VIRMA: variants seen among roughly 807,000 people sequenced by gnomAD.
VIRMA encodes protein virilizer homolog.
VIRMA carries 65 observed loss-of-function variants against 182.4 expected under a neutral mutation model. The observed-to-expected ratio is 0.36, with a 90% CI of 0.29 to 0.44. The LOEUF is 0.44. VIRMA is among the 20% of genes least tolerant of loss of function. The probability of loss-of-function intolerance (pLI) is 1.00; values close to 1 mark genes in which losing one functional copy is unlikely to be tolerated. For missense variants in VIRMA, 1,752 were observed against 2,158.1 expected (o/e 0.81, Z 3.73); for synonymous variants, 709 against 743.1 (o/e 0.95, Z 0.75).
chr8:94,525,985 T>C (rs1023075709), intron 8 of VIRMA, among the ~76,000 whole-genome samples: 4 of 152,250 alleles, frequency 2.6e-5, no homozygotes, highest in Admixed American at 6.5e-5. Flanking sequence ...ACAAGCATCA[T>C]TGTTAATTAC....
intron 7 of VIRMA, among the ~76,000 whole-genome samples, 175 bp from the exon 8 acceptor site, chr8:94,527,538 AT>A (rs1389781154): frequency 5.3e-5 from 8 of 152,354 alleles, no homozygotes; most frequent in Non-Finnish European, 1.2e-4. Context: ...TTCTAATAGA[AT>A]TATGGACAAA....
At chr8:94,505,704 G>C (rs957395402) in intron 16 of VIRMA, among the ~76,000 whole-genome samples, 1 of 152,008 alleles carries the variant, frequency 6.6e-6, no homozygotes, top group Non-Finnish European at 1.5e-5. Flanking sequence ...GGCTAAACTT[G>C]AACTCTTGAA....
chr8:94,527,449 A>G (rs1815014802), intron 7 of VIRMA, 86 bp from the exon 8 acceptor site: 1 of 825,994 alleles, frequency 1.2e-6, no homozygotes, highest in Non-Finnish European at 1.7e-6. Flanking sequence ...TAGTTTTAAT[A>G]AAACATTAAA....
At chr8:94,492,866 G>A (rs1457214331) in intron 20 of VIRMA, 48 bp from the exon 21 acceptor site, 2 of 1,427,404 alleles carry the variant, frequency 1.4e-6, no homozygotes, top group Non-Finnish European at 1.9e-6. Context: ...GTAATTATTA[G>A]CATAACATTT....
chr8:94,507,872 T>C (rs1586075450), intron 15 of VIRMA, among the ~76,000 whole-genome samples: 2 of 150,990 alleles, frequency 1.3e-5, no homozygotes, highest in East Asian at 3.9e-4. Context: ...CCCTCTACTT[T>C]ATATATATAC....
chr8:94,498,625 C>T (rs74704642), intron 17 of VIRMA: 8,684 of 152,346 alleles, frequency 0.057, 285 homozygotes, highest in South Asian at 0.089. Context: ...CTGGTGGGCA[C>T]ACCACGTGTG....
At chr8:94,505,455 G>C (rs1031649020) in intron 16 of VIRMA, among the ~76,000 whole-genome samples, 5 of 151,570 alleles carry the variant, frequency 3.3e-5, no homozygotes, top group African/African-American at 1.2e-4. Flanking sequence ...ACAGTGAGCA[G>C]TCTGAGGTTT....
rs948671921 is a variant in VIRMA, at chr8:94,518,990, G to A, written c.2508C>T (p.Ala836=). 1.3e-6 allele frequency: 2 copies of A among 1,596,374 alleles called. No individual in the cohort carries two copies. Among genetic ancestry groups the A allele is most frequent in the Admixed American group, 3.6e-5 (2 of 55,414 alleles). Residue 836 remains alanine, a synonymous_variant, in exon 9 of 24, where the codon GCC becomes GCT. Coordinates refer to ENST00000297591, the MANE Select transcript of VIRMA (RefSeq NM_015496.5). ...ITLMEYYSKE[A]LGDSKSKKSV... is the part of the protein sequence containing the mutation. ...AGGAGTAAGTAGGAAATTACCCCAA[G>A]GCTTCTTTGGAATAGTACTCCATTA... is the stretch of plus-strand genomic sequence containing the variant.
chr8:94,511,833 ATAAT>A (rs1371978324), intron 12 of VIRMA, 104 bp from the exon 13 acceptor site: 1 of 717,182 alleles, frequency 1.4e-6, no homozygotes, highest in African/African-American at 1.9e-5. Context: ...AATTATATTT[ATAAT>A]AAATGATTTT....
At chr8:94,508,629 G>A (rs994875543) in intron 15 of VIRMA, among the ~76,000 whole-genome samples, 19 of 151,274 alleles carry the variant, frequency 1.3e-4, no homozygotes, top group African/African-American at 4.6e-4. Context: ...CAACCAAATG[G>A]ACACTTTGAG....
Position 94,526,901 on chromosome 8 carries a change from G to A in VIRMA, c.1343C>T (p.Pro448Leu). Residue 448 changes from proline (P) to leucine (L), a missense_variant, in exon 8 of 24, where the codon CCT (proline) becomes CTT (leucine). Around this residue, in one of 11 missense-constraint regions of VIRMA, gnomAD observed 401 missense variants for 455.1 expected, o/e 0.88. Coordinates refer to ENST00000297591, the MANE Select transcript of VIRMA (RefSeq NM_015496.5). The stretch of plus-strand genomic sequence containing the variant: ...GAGCTGTCGAACATTTAAGGCGATA[G>A]GTTGGCGAAGCGCTACTTGTAAATT... ...ALNLQVALRQPIALNVRQLKA... is the reference protein window; with the variant it reads ...ALNLQVALRQLIALNVRQLKA... 6.2e-7 allele frequency: 1 copy of A among 1,614,224 alleles called. No individual in the cohort carries two copies. The highest frequency in any genetic ancestry group is 1.1e-5 in the South Asian group (1 of 91,088).
chr8:94,489,758 ACAGTATACT>A lies in VIRMA; in HGVS notation c.5284+172_5284+180del, dbSNP rs1813552703. 3.9e-5 allele frequency among the ~76,000 whole-genome samples: 6 copies of A among 152,338 alleles called. No homozygotes were observed. In the South Asian group the frequency reaches 1.2e-3, roughly 32 times the overall value. On this transcript the variant is annotated intron_variant, in intron 23 of 23. Coordinates refer to ENST00000297591, the MANE Select transcript of VIRMA (RefSeq NM_015496.5). ...ATGTTATCTGTAAGGCTTCCAGTCA[ACAGTATACT>A]AGCAGTAGTTAAGTTTTGGGGAAGT...
chr8:94,526,145 T>G (rs1196513142), intron 8 of VIRMA, 78 bp downstream of exon 8: 10 of 1,193,614 alleles, frequency 8.4e-6, no homozygotes, highest in Admixed American at 2.3e-5. Context: ...TACAATCAGA[T>G]AAAAAGCAAA....
At chr8:94,491,150 C>T (rs1381208798) in intron 22 of VIRMA, among the ~76,000 whole-genome samples, 1 of 121,920 alleles carries the variant, frequency 8.2e-6, no homozygotes, top group Non-Finnish European at 1.7e-5. Context: ...CCCATCTCTA[C>T]TAAAAATACA....
intron 2 of VIRMA, among the ~76,000 whole-genome samples, chr8:94,541,329 G>A (rs1222770391): frequency 6.6e-6 from 1 of 151,706 alleles, no homozygotes; most frequent in Non-Finnish European, 1.5e-5. Context: ...CAAACTCTTG[G>A]TCTCAAGTGA....
At chr8:94,527,433 A>C in intron 7 of VIRMA, 70 bp from the exon 8 acceptor site, 1 of 960,586 alleles carries the variant, frequency 1.0e-6, no homozygotes, top group Non-Finnish European at 1.5e-6. Flanking sequence ...CTGATTGAAC[A>C]AGAAATAGTT....
chr8:94,515,134 T>G (rs377502968), intron 10 of VIRMA, among the ~76,000 whole-genome samples, 183 bp from the exon 11 acceptor site: 14 of 151,940 alleles, frequency 9.2e-5, no homozygotes, highest in Non-Finnish European at 1.8e-4. Context: ...TCGCTCTTGT[T>G]GCACAGGCTG....
Position 94,494,850 on chromosome 8 carries a change from T to A in VIRMA, c.4641+10A>T, listed in dbSNP as rs1395788275. On this transcript the variant is annotated intron_variant, in intron 20 of 23. Transcript: ENST00000297591. ...TAACGTTTTTCTAAATATTTAGTAA[T>A]AATTTATACCAAATCCAGATCTGTA... The A allele has an allele frequency of 7.1e-7, 1 of 1,409,996 alleles. No homozygotes were observed. Among genetic ancestry groups the A allele is most frequent in the Non-Finnish European group, 9.9e-7 (1 of 1,012,164 alleles). 87.3% of individuals were successfully genotyped at this position (1,409,996 alleles called of 1,614,324 possible). A position where few individuals can be genotyped will look rare whatever the true frequency, so the allele number is the denominator to read the frequency against.
chr8:94,501,563 C>A (rs1388058963), intron 16 of VIRMA, among the ~76,000 whole-genome samples: 4 of 152,038 alleles, frequency 2.6e-5, no homozygotes, highest in African/African-American at 9.7e-5. Flanking sequence ...AACAAATAAG[C>A]AAATATAGAT....
Sources: gnomAD v4.1 joint callset for allele counts (sites outside exome capture counted in the v4.1 genomes callset) on GRCh38, gnomAD v4.1.1 for gene constraint, gnomAD v4.1.1 regional missense constraint, MANE v1.5 for transcripts, NCBI Gene and HGNC (gene_info 2026-07-23, HGNC 2026-07-21) for gene names.